Variants in SLC35F1 observed in about 807,000 individuals in gnomAD.
SLC35F1 encodes the protein chromosome 6 open reading frame 169.
Under a neutral mutation model 48.7 loss-of-function variants are expected in SLC35F1, and 14 were observed. The observed-to-expected ratio is 0.29, with a 90% CI of 0.19 to 0.45. The LOEUF (loss-of-function observed/expected upper bound fraction) is 0.45. SLC35F1 is among the 20% of genes least tolerant of loss of function. SLC35F1 has a pLI of 1.00. For synonymous variants in SLC35F1, 190 were observed against 202.2 expected (o/e 0.94, Z 0.51); for missense variants, 404 against 500.0 (o/e 0.81, Z 1.83).
At chr6:118,310,034 G>A (rs1348838556) in intron 7 of SLC35F1, among the ~76,000 whole-genome samples, 1 of 152,218 alleles carries the variant, frequency 6.6e-6, no homozygotes, top group Non-Finnish European at 1.5e-5. Context: ...AGTGTCTGCA[G>A]TATGATCCTG....
At chr6:117,990,718 G>C (rs1430390558) in intron 1 of SLC35F1, among the ~76,000 whole-genome samples, 1 of 152,148 alleles carries the variant, frequency 6.6e-6, no homozygotes, top group Non-Finnish European at 1.5e-5. Flanking sequence ...GAAGGCCTTT[G>C]TCCTTTTAAA....
intron 1 of SLC35F1, among the ~76,000 whole-genome samples, chr6:117,926,508 GTGTT>G (rs533329795): frequency 2.2e-4 from 34 of 152,256 alleles, no homozygotes; most frequent in Non-Finnish European, 1.5e-5. Context: ...GTGTGTGTGT[GTGTT>G]TGTGTTTGTG....
intron 1 of SLC35F1, among the ~76,000 whole-genome samples, chr6:117,911,214 C>A (rs952810540): frequency 1.6e-4 from 24 of 152,114 alleles, no homozygotes; most frequent in Non-Finnish European, 3.1e-4. Context: ...AATGGGACAT[C>A]ACATTTTTTC....
intron 1 of SLC35F1, among the ~76,000 whole-genome samples, chr6:117,960,424 T>C (rs901676891): frequency 2.0e-5 from 3 of 152,006 alleles, no homozygotes; most frequent in Non-Finnish European, 4.4e-5. Flanking sequence ...GACTAGATTA[T>C]GTACATTATA....
intron 7 of SLC35F1, among the ~76,000 whole-genome samples, chr6:118,302,006 TG>T (rs1383993702): frequency 6.6e-6 from 1 of 152,118 alleles, no homozygotes; most frequent in African/African-American, 2.4e-5. Flanking sequence ...GCACTTCAAA[TG>T]TGCAAACTTG....
intron 1 of SLC35F1, among the ~76,000 whole-genome samples, chr6:117,924,737 T>C (rs2760231): frequency 6.6e-6 from 1 of 152,060 alleles, no homozygotes; most frequent in African/African-American, 2.4e-5. Context: ...TCCAGTGTGA[T>C]GTGATAGAAA....
chr6:118,263,485 G>C (rs1775737050), intron 3 of SLC35F1, among the ~76,000 whole-genome samples: 1 of 152,160 alleles, frequency 6.6e-6, no homozygotes, highest in South Asian at 2.1e-4. Flanking sequence ...AAATCTAAGA[G>C]TAATAAACAC....
chr6:117,972,437 G>T (rs1582593652), intron 1 of SLC35F1, among the ~76,000 whole-genome samples: 1 of 152,088 alleles, frequency 6.6e-6, no homozygotes, highest in Admixed American at 6.5e-5. Context: ...TTACAGCAGT[G>T]CCCCCACTCT....
At chr6:118,082,679 C>T (rs935768523) in intron 1 of SLC35F1, among the ~76,000 whole-genome samples, 1 of 152,034 alleles carries the variant, frequency 6.6e-6, no homozygotes, top group Non-Finnish European at 1.5e-5. Context: ...GCTTTCTCTC[C>T]TTGTCTTTCA....
rs561983148 is a variant in SLC35F1, at chr6:118,253,593, C to T, written c.478-13402C>T. Among the ~76,000 whole-genome samples, 5 of 151,824 alleles carry T rather than the reference C, an allele frequency of 3.3e-5. No homozygotes were observed. In the South Asian group the frequency reaches 1.0e-3, roughly 32 times the overall value. Reference sequence around the variant, plus strand: ...GCCAAGGATAGGTCCCTCAGAAACACCAACGTTGAGAGGGACCAAAAGAAC... The same window carrying T: ...GCCAAGGATAGGTCCCTCAGAAACATCAACGTTGAGAGGGACCAAAAGAAC... On this transcript the variant is annotated intron_variant, in intron 3 of 7. Coordinates refer to ENST00000360388, the MANE Select transcript of SLC35F1 (RefSeq NM_001029858.4).
intron 1 of SLC35F1, among the ~76,000 whole-genome samples, chr6:117,939,625 A>G (rs746868887): frequency 5.3e-5 from 8 of 152,262 alleles, no homozygotes; most frequent in Non-Finnish European, 1.0e-4. Flanking sequence ...CCTGAAAAGT[A>G]CCAGTTAAAA....
At chr6:117,983,306 G>A (rs1473476319) in intron 1 of SLC35F1, among the ~76,000 whole-genome samples, 1 of 152,154 alleles carries the variant, frequency 6.6e-6, no homozygotes, top group Non-Finnish European at 1.5e-5. Flanking sequence ...GAAGCATTTG[G>A]TGGCTCCCGC....
intron 1 of SLC35F1, among the ~76,000 whole-genome samples, chr6:118,113,173 C>T (rs1773433372): frequency 1.3e-5 from 2 of 152,116 alleles, no homozygotes; most frequent in Admixed American, 6.5e-5. Flanking sequence ...TCACTGCAGC[C>T]TTGAACTCCT....
chr6:118,272,781 T>C (rs1459332431), intron 4 of SLC35F1, among the ~76,000 whole-genome samples: 1 of 140,288 alleles, frequency 7.1e-6, no homozygotes, highest in Admixed American at 7.0e-5. Flanking sequence ...ATATATACCA[T>C]TTTTTAGCAT....
At chr6:118,291,762 A>C (rs1026110186) in intron 7 of SLC35F1, among the ~76,000 whole-genome samples, 1 of 152,100 alleles carries the variant, frequency 6.6e-6, no homozygotes, top group African/African-American at 2.4e-5. Context: ...GGCATCTTTA[A>C]ACTAAATGAA....
Position 118,316,026 on chromosome 6 carries a change from A to G in SLC35F1, c.*1774A>G, listed in dbSNP as rs1776433168. Reference sequence around the variant, plus strand: ...GAGACATTGGGCAATTCAAATCAACATGTGTTACATAAGCAAGCAAAGCAA... The same window carrying G: ...GAGACATTGGGCAATTCAAATCAACGTGTGTTACATAAGCAAGCAAAGCAA... On this transcript the variant is annotated 3_prime_UTR_variant, in exon 8 of 8. Transcript: ENST00000360388. The G allele has an allele frequency of 6.6e-6, 1 of 152,270 alleles. No homozygotes were observed. The highest frequency in any genetic ancestry group is 2.4e-5 in the African/African-American group (1 of 41,468). The allele number at this position is 152,270 out of a possible 1,614,324, so 9.4% of individuals were successfully genotyped here.
intron 1 of SLC35F1, among the ~76,000 whole-genome samples, chr6:117,939,565 A>G (rs1776203408): frequency 6.6e-6 from 1 of 152,208 alleles, no homozygotes; most frequent in Admixed American, 6.5e-5. Context: ...GGTTACTAAA[A>G]AATTTCAGAG....
rs187609957 is a variant in SLC35F1, at chr6:117,926,592, A to G, written c.173+18693A>G. Among the ~76,000 whole-genome samples the G allele has an allele frequency of 6.8e-4, 103 of 152,184 alleles. 2 individuals carry two copies. In the East Asian group the frequency reaches 0.016, roughly 24 times the overall value. On this transcript the variant is annotated intron_variant, in intron 1 of 7. Coordinates refer to ENST00000360388, the MANE Select transcript of SLC35F1 (RefSeq NM_001029858.4). ...GAGAATAGAGTTTTAGGCAGAGGAA[A>G]CAATACATTAGAAGCCTGTGAGTGG...
chr6:117,989,029 A>G (rs1404229513), intron 1 of SLC35F1, among the ~76,000 whole-genome samples: 2 of 152,196 alleles, frequency 1.3e-5, no homozygotes, highest in East Asian at 3.8e-4. Flanking sequence ...CCATAAAAAG[A>G]TAGGTAGAGA....
Sources: allele counts gnomAD v4.1 joint callset (sites outside exome capture counted in the v4.1 genomes callset), GRCh38; gene constraint gnomAD v4.1.1; transcripts MANE v1.5; gene names NCBI Gene and HGNC (gene_info 2026-07-23, HGNC 2026-07-21).